TXNDC12: variants seen among roughly 807,000 people sequenced by gnomAD.
TXNDC12 encodes the protein thioredoxin domain-containing protein 12.
A neutral mutation model predicts 24.2 loss-of-function variants in TXNDC12; 22 were observed. That is an observed-to-expected ratio of 0.91 (90% CI 0.65 to 1.30). The LOEUF (loss-of-function observed/expected upper bound fraction) is 1.30, where lower values mean the gene tolerates loss of function less well. Ranked by LOEUF, TXNDC12 falls within the 50% of genes most tolerant of loss-of-function variation. The pLI is 0.00. For missense variants in TXNDC12, 184 were observed against 205.8 expected (o/e 0.89, Z 0.65); for synonymous variants, 58 against 73.4 (o/e 0.79, Z 1.07).
intron 2 of TXNDC12, chr1:52,033,763 CT>C: frequency 6.3e-7 from 1 of 1,590,418 alleles, no homozygotes; most frequent in Non-Finnish European, 8.6e-7. Context: ...GAGCGGCATC[CT>C]CTCAGGGAGC....
rs552578932 is a variant in TXNDC12 at position 52,049,867 on chromosome 1, T to G, written c.97+5133A>C. Among the ~76,000 whole-genome samples the G allele has an allele frequency of 2.0e-5, 3 of 152,332 alleles. 1 individual carries two copies. In the South Asian group the frequency reaches 6.2e-4, roughly 32 times the overall value. On this transcript the variant is annotated intron_variant, in intron 1 of 6. Transcript: ENST00000371626. ...TGCTTATTTTATGTAATAATTATAT[T>G]ATAGTAACAATATTAATGACTAACA...
intron 2 of TXNDC12, chr1:52,032,649 A>AAGTGG (rs1376726708): frequency 6.5e-7 from 1 of 1,538,064 alleles, no homozygotes; most frequent in African/African-American, 1.4e-5. Context: ...CAGAGAAATA[A>AAGTGG]AGTGGAGTGG....
At position 52,055,186 on chromosome 1, in the gene TXNDC12, CACA is replaced by C. The variant is rs142834436; in HGVS notation, c.-93_-91del. 41,225 of 839,602 alleles carry C rather than the reference CACA, an allele frequency of 0.049. 1,300 individuals carry two copies. Among genetic ancestry groups the C allele is most frequent in the Non-Finnish European group, 0.06 (30,075 of 499,690 alleles). The allele number at this position is 839,602 out of a possible 1,614,324, so 52.0% of individuals were successfully genotyped here. On this transcript the variant is annotated 5_prime_UTR_variant, in exon 1 of 7. Transcript: ENST00000371626. ...ACACAGTTCGCCGAGCGCCGCTCAG[CACA>C]ACACCTCTACTTCCCAGATTTTTTT...
At chr1:52,046,880 T>A (rs1686105568) in intron 1 of TXNDC12, among the ~76,000 whole-genome samples, 1 of 145,622 alleles carries the variant, frequency 6.9e-6, no homozygotes, top group Non-Finnish European at 1.5e-5. Flanking sequence ...TATATATATA[T>A]ATATATATAT....
intron 2 of TXNDC12, chr1:52,033,350 C>G: frequency 6.2e-7 from 1 of 1,613,804 alleles, no homozygotes; most frequent in Non-Finnish European, 8.5e-7. Context: ...TCCTCCTCAG[C>G]GCGTGGCCGC....
Position 52,020,916 on chromosome 1 carries a change from G to C in TXNDC12, c.*17C>G, listed in dbSNP as rs769939278. 2 of 1,602,740 alleles carry C rather than the reference G, an allele frequency of 1.2e-6. No homozygotes were observed. Among genetic ancestry groups the C allele is most frequent in the Admixed American group, 3.3e-5 (2 of 59,996 alleles). ...TTCCAGAACACTAACTCTGATGAAA[G>C]AAGGGGCACATTCATGTTACAATTC... On this transcript the variant is annotated 3_prime_UTR_variant, in exon 7 of 7. Transcript: ENST00000371626.
At chr1:52,033,056 C>T (rs202157272) in intron 2 of TXNDC12, 65 of 1,594,726 alleles carry the variant, frequency 4.1e-5, no homozygotes, top group African/African-American at 1.3e-5. Context: ...AACGGCTCCT[C>T]TAGGCCCACC....
At chr1:52,035,703 A>G (rs1685869181) in intron 2 of TXNDC12, among the ~76,000 whole-genome samples, 1 of 151,778 alleles carries the variant, frequency 6.6e-6, no homozygotes. Flanking sequence ...TAAGAGCGAA[A>G]CTCTGTCTCA....
intron 1 of TXNDC12, among the ~76,000 whole-genome samples, chr1:52,042,864 T>G (rs562282709): frequency 4.6e-5 from 7 of 152,282 alleles, no homozygotes; most frequent in African/African-American, 1.7e-4. Flanking sequence ...TCAGGTGATC[T>G]GCCCGCCTCA....
In TXNDC12 at chr1:52,055,068, G is replaced by A. The variant is rs142456533; in HGVS notation, c.29C>T (p.Thr10Ile). 9,195 of 1,614,086 alleles carry A rather than the reference G, an allele frequency of 5.7e-3. 34 individuals are homozygous for A. Among genetic ancestry groups the A allele is most frequent in the Non-Finnish European group, 7.1e-3 (8,373 of 1,179,966 alleles). Residue 10 changes from threonine (T) to isoleucine (I), a missense_variant, in exon 1 of 7, where the codon ACC (threonine) becomes ATC (isoleucine). Coordinates refer to ENST00000371626, the MANE Select transcript of TXNDC12 (RefSeq NM_015913.4). The part of the protein sequence containing the change: METRPRLGA[T>I]CLLGFSFLLL... ...CAGGAAACTGAAGCCCAGCAAACAG[G>A]TGGCCCCGAGACGAGGCCGCGTCTC... is the stretch of plus-strand genomic sequence containing the variant.
chr1:52,025,221 C>CTT (rs1229139020), intron 4 of TXNDC12, among the ~76,000 whole-genome samples: 18 of 141,814 alleles, frequency 1.3e-4, no homozygotes, highest in African/African-American at 2.6e-4. Context: ...AATCAGTTTT[C>CTT]TTTTTTTTTT....
intron 6 of TXNDC12, among the ~76,000 whole-genome samples, chr1:52,022,198 G>A (rs1463878539): frequency 6.6e-6 from 1 of 152,146 alleles, no homozygotes; most frequent in African/African-American, 2.4e-5. Context: ...AAATCATAAA[G>A]TGATCAACAG....
chr1:52,033,289 G>A, intron 2 of TXNDC12: 2 of 1,613,878 alleles, frequency 1.2e-6, no homozygotes, highest in Non-Finnish European at 1.7e-6. Flanking sequence ...TACAGAGTCC[G>A]CAGTATGCAG....
At chr1:52,038,876 T>A (rs1040119708) in intron 2 of TXNDC12, among the ~76,000 whole-genome samples, 12 of 147,610 alleles carry the variant, frequency 8.1e-5, no homozygotes, top group Non-Finnish European at 1.2e-4. Context: ...GACAACTTCA[T>A]GAATTTTCTT....
At position 52,020,374 on chromosome 1, in the gene TXNDC12, G is replaced by T; in HGVS notation, c.*559C>A. On this transcript the variant is annotated 3_prime_UTR_variant, in exon 7 of 7. Transcript: ENST00000371626. ...AGCTCAAGCATGAGAAGAGGAAAGA[G>T]GCTGTAGAAATTTGGGAAGAAGCCC... 3.0e-6 allele frequency: 1 copy of T among 337,572 alleles called. No individual in the cohort carries two copies. The highest frequency in any genetic ancestry group is 5.8e-6 in the Non-Finnish European group (1 of 172,724). The allele number at this position is 337,572 out of a possible 1,614,324, so 20.9% of individuals were successfully genotyped here.
chr1:52,032,491 A>G (rs577253913), intron 2 of TXNDC12: 2 of 1,342,832 alleles, frequency 1.5e-6, no homozygotes, highest in South Asian at 2.1e-5. Flanking sequence ...TTGCACCACA[A>G]TAGTTCTCCA....
At chr1:52,037,740 CGAGGCTG>C (rs2124377702) in intron 2 of TXNDC12, among the ~76,000 whole-genome samples, 1 of 152,196 alleles carries the variant, frequency 6.6e-6, no homozygotes, top group African/African-American at 2.4e-5. Flanking sequence ...CTTTGCTCTT[CGAGGCTG>C]GAGGTTAACA....
intron 3 of TXNDC12, among the ~76,000 whole-genome samples, chr1:52,027,702 ATGTG>A (rs945842628): frequency 2.6e-5 from 4 of 151,038 alleles, no homozygotes; most frequent in Admixed American, 6.6e-5. Context: ...ACACGTGTAT[ATGTG>A]TGTGTATACA....
chr1:52,032,465 T>C, intron 2 of TXNDC12: 1 of 1,307,196 alleles, frequency 7.6e-7, no homozygotes, highest in Non-Finnish European at 9.7e-7. Context: ...CTCTGTCCTC[T>C]GAGGGATTTG....
Sources: gnomAD v4.1 joint callset for allele counts (sites outside exome capture counted in the v4.1 genomes callset) on GRCh38, gnomAD v4.1.1 for gene constraint, MANE v1.5 for transcripts, NCBI Gene and HGNC (gene_info 2026-07-23, HGNC 2026-07-21) for gene names.